ARHGAP28: variants seen among roughly 807,000 people sequenced by gnomAD.
ARHGAP28 encodes the protein rho GTPase-activating protein 28.
Under a neutral mutation model 90.7 loss-of-function variants are expected in ARHGAP28, and 56 were observed. The ratio of observed to expected loss-of-function variants is 0.62; its 90% CI spans 0.50 to 0.77. The LOEUF is 0.77. Ranked by LOEUF, ARHGAP28 falls within the 30% of genes least tolerant of loss-of-function variation. ARHGAP28 has a pLI of 0.00. For missense variants in ARHGAP28, 869 were observed against 900.9 expected (o/e 0.96, Z 0.45); for synonymous variants, 308 against 323.3 (o/e 0.95, Z 0.51).
rs1434398341 is a variant in ARHGAP28, at chr18:6,873,578, A to G, written c.1120+4A>G. 3.7e-6 allele frequency: 6 copies of G among 1,612,518 alleles called. No homozygotes were observed. The highest frequency in any genetic ancestry group is 5.1e-6 in the Non-Finnish European group (6 of 1,179,516). The stretch of plus-strand genomic sequence containing the variant: ...ACAGAGAAAGTAAAAGGACGAGGTA[A>G]CTAAGAAGACTGATTGCTTCTGGCT... On this transcript the variant is annotated splice_donor_region_variant and intron_variant, in intron 8 of 17. Coordinates refer to ENST00000383472, the MANE Select transcript of ARHGAP28 (RefSeq NM_001366230.1).
chr18:6,872,295 G>T (rs184873964), intron 7 of ARHGAP28, among the ~76,000 whole-genome samples: 1 of 152,282 alleles, frequency 6.6e-6, no homozygotes, highest in East Asian at 1.9e-4. Context: ...GTTGTTATGT[G>T]TTACTATTAT....
intron 4 of ARHGAP28, 149 bp downstream of exon 4, chr18:6,851,275 A>G (rs2056909007): frequency 3.0e-6 from 2 of 675,022 alleles, no homozygotes; most frequent in Admixed American, 6.0e-5. Context: ...GGTGATTTTT[A>G]AGGAAAATAT....
intron 5 of ARHGAP28, among the ~76,000 whole-genome samples, chr18:6,861,467 C>T (rs1448688989): frequency 6.6e-6 from 1 of 152,202 alleles, no homozygotes; most frequent in African/African-American, 2.4e-5. Flanking sequence ...GTCTCGCTTA[C>T]AGCCTGCGGT....
At chr18:6,813,543 G>A (rs937748222) in intron 1 of ARHGAP28, among the ~76,000 whole-genome samples, 14 of 151,938 alleles carry the variant, frequency 9.2e-5, no homozygotes, top group South Asian at 2.1e-4. Flanking sequence ...ATATTTCTCA[G>A]CATATTTTAT....
intron 5 of ARHGAP28, among the ~76,000 whole-genome samples, chr18:6,867,539 C>T (rs187775793): frequency 6.6e-6 from 1 of 152,230 alleles, no homozygotes; most frequent in Admixed American, 6.5e-5. Flanking sequence ...AGGATAGGTA[C>T]TCAACTTCTG....
chr18:6,857,702 C>T (rs1381965222), intron 4 of ARHGAP28, among the ~76,000 whole-genome samples: 1 of 152,150 alleles, frequency 6.6e-6, no homozygotes, highest in Non-Finnish European at 1.5e-5. Flanking sequence ...ACGCCTTCAC[C>T]TAAGGACACA....
At chr18:6,782,584 ATTTTTGTATTTTTT>A (rs2056332416) in intron 1 of ARHGAP28, among the ~76,000 whole-genome samples, 1 of 71,284 alleles carries the variant, frequency 1.4e-5, no homozygotes, top group African/African-American at 4.4e-5. Flanking sequence ...CGCCCAGCTA[ATTTTTGTATTTTTT>A]TTTTTTTTTT....
intron 12 of ARHGAP28, among the ~76,000 whole-genome samples, chr18:6,888,779 T>G (rs1235333082): frequency 6.6e-6 from 1 of 152,154 alleles, no homozygotes; most frequent in African/African-American, 2.4e-5. Flanking sequence ...ACGGGACTGG[T>G]GAGGATGTTA....
chr18:6,738,420 C>G (rs905487222), intron 1 of ARHGAP28, among the ~76,000 whole-genome samples: 7 of 151,968 alleles, frequency 4.6e-5, no homozygotes, highest in African/African-American at 1.7e-4. Flanking sequence ...GGAAAAGAAT[C>G]CCTTTGAAAT....
intron 4 of ARHGAP28, among the ~76,000 whole-genome samples, chr18:6,852,533 T>G (rs1227003688): frequency 6.6e-6 from 1 of 152,214 alleles, no homozygotes; most frequent in Non-Finnish European, 1.5e-5. Flanking sequence ...TCTAAGGAAC[T>G]TAATTTTAAG....
intron 2 of ARHGAP28, among the ~76,000 whole-genome samples, chr18:6,830,761 A>G (rs2056709234): frequency 6.6e-6 from 1 of 152,216 alleles, no homozygotes; most frequent in Non-Finnish European, 1.5e-5. Context: ...CCAGGATTTA[A>G]GACTTCAACA....
chr18:6,894,694 T>C (rs2057292058), intron 14 of ARHGAP28, 141 bp from the exon 15 acceptor site: 2 of 650,984 alleles, frequency 3.1e-6, no homozygotes, highest in East Asian at 2.7e-5. Context: ...TGTGGAGCTG[T>C]TGGATTAAAG....
At position 6,870,752 on chromosome 18, in the gene ARHGAP28, A is replaced by G; in HGVS notation, c.954+20A>G. 1.3e-6 allele frequency: 2 copies of G among 1,579,292 alleles called. No homozygotes were observed. The highest frequency in any genetic ancestry group is 1.7e-6 in the Non-Finnish European group (2 of 1,168,894). On this transcript the variant is annotated intron_variant, in intron 7 of 17. Coordinates refer to ENST00000383472, the MANE Select transcript of ARHGAP28 (RefSeq NM_001366230.1). ...TTAACTGTAAGCAAAACCTTTCATG[A>G]TTATTCCAGGAACTTCCTGTGACTT...
chr18:6,832,759 C>T (rs983227260), intron 2 of ARHGAP28, among the ~76,000 whole-genome samples: 1 of 151,950 alleles, frequency 6.6e-6, no homozygotes, highest in African/African-American at 2.4e-5. Flanking sequence ...CAAGATATAT[C>T]TTATTTCATC....
At chr18:6,863,832 G>A (rs577391876) in intron 5 of ARHGAP28, among the ~76,000 whole-genome samples, 68 of 150,696 alleles carry the variant, frequency 4.5e-4, no homozygotes, top group African/African-American at 1.6e-3. Context: ...TCCCAGGCTG[G>A]AGTGCAATGG....
Position 6,876,197 on chromosome 18 carries a change from G to A in ARHGAP28, c.1279G>A (p.Ala427Thr). 6.2e-7 allele frequency: 1 copy of A among 1,613,802 alleles called. No homozygotes were observed. Among genetic ancestry groups the A allele is most frequent in the East Asian group, 2.2e-5 (1 of 44,866 alleles). The change falls in exon 10 of 18, where the codon GCT (alanine) becomes ACT (threonine). Residue 427 changes from alanine to threonine, a missense_variant. Physicochemically the swap from Ala to Thr is moderately conservative, Grantham distance 58 (BLOSUM62 0). Transcript: ENST00000383472. ...EGIFRLSGCT[A>T]KVKQYREELD... ...AATTTTTCGACTTTCAGGATGTACT[G>A]CTAAAGTCAAGGTACCGAACATTTT...
intron 15 of ARHGAP28, among the ~76,000 whole-genome samples, chr18:6,895,783 T>C (rs1377362327): frequency 6.6e-6 from 1 of 152,182 alleles, no homozygotes; most frequent in Non-Finnish European, 1.5e-5. Context: ...TTTCGAGGTA[T>C]TGGGGGGTTA....
intron 1 of ARHGAP28, among the ~76,000 whole-genome samples, chr18:6,817,275 T>A (rs2056597760): frequency 6.6e-6 from 1 of 150,844 alleles, no homozygotes; most frequent in African/African-American, 2.4e-5. Context: ...GCTGAGATCA[T>A]GCCACTGCAC....
In ARHGAP28 at chr18:6,898,868, C is replaced by A. The variant is rs997919038; in HGVS notation, c.2030+2242C>A. The A allele has an allele frequency of 2.9e-5, 18 of 629,122 alleles. No individual in the cohort carries two copies. In the East Asian group the frequency reaches 1.5e-3, roughly 52 times the overall value. 39.0% of individuals were successfully genotyped at this position (629,122 alleles called of 1,614,324 possible). A position where few individuals can be genotyped will look rare whatever the true frequency, so the allele number is the denominator to read the frequency against. On this transcript the variant is annotated intron_variant, in intron 16 of 17. Coordinates refer to ENST00000383472, the MANE Select transcript of ARHGAP28 (RefSeq NM_001366230.1). ...AAAGGCCTAAGAATGACACCATGGA[C>A]TTTGGGGAGTCAGGGGCAAAAGGGG...
Sources: gnomAD v4.1 joint callset for allele counts (sites outside exome capture counted in the v4.1 genomes callset) on GRCh38, gnomAD v4.1.1 for gene constraint, MANE v1.5 for transcripts, NCBI Gene and HGNC (gene_info 2026-07-23, HGNC 2026-07-21) for gene names.